The following PRDM5 variants were observed in gnomAD, a reference collection of about 807,000 sequenced individuals.
PRDM5 encodes PR domain zinc finger protein 5.
In PRDM5, 56 loss-of-function variants were observed where a neutral mutation model predicts 81.2. That is an observed-to-expected ratio of 0.69 (90% CI 0.56 to 0.86). PRDM5 has a LOEUF of 0.86. Ranked by LOEUF, PRDM5 falls within the 40% of genes least tolerant of loss-of-function variation. The probability of loss-of-function intolerance (pLI) is 0.00; values close to 1 mark genes in which losing one functional copy is unlikely to be tolerated. For synonymous variants in PRDM5, 267 were observed against 256.4 expected, an observed-to-expected ratio of 1.04 and a Z score of -0.39; for missense variants, 697 against 770.1, an observed-to-expected ratio of 0.91 and a Z score of 1.12.
At chr4:120,788,929 T>C (rs922530117) in intron 10 of PRDM5, among the ~76,000 whole-genome samples, 1 of 152,234 alleles carries the variant, frequency 6.6e-6, no homozygotes, top group African/African-American at 2.4e-5. Context: ...TGCTTGCATG[T>C]TGCAAATAGA....
At chr4:120,898,502 T>C (rs1764901025) in intron 2 of PRDM5, among the ~76,000 whole-genome samples, 2 of 152,276 alleles carry the variant, frequency 1.3e-5, no homozygotes, top group South Asian at 4.1e-4. Flanking sequence ...CTCTTGCCTA[T>C]ACACAGAATC....
chr4:120,913,238 A>C (rs1039690568), intron 1 of PRDM5, among the ~76,000 whole-genome samples: 4 of 152,210 alleles, frequency 2.6e-5, no homozygotes, highest in African/African-American at 9.6e-5. Flanking sequence ...AGTATACCTA[A>C]TCCTGTTTCT....
chr4:120,713,922 G>A (rs1578447371), intron 14 of PRDM5, among the ~76,000 whole-genome samples: 2 of 152,072 alleles, frequency 1.3e-5, no homozygotes, highest in African/African-American at 2.4e-5. Context: ...CTCACATGGT[G>A]GAAGGAAAGT....
chr4:120,847,661 T>C (rs926584592), intron 3 of PRDM5, among the ~76,000 whole-genome samples: 13 of 152,198 alleles, frequency 8.5e-5, no homozygotes, highest in Admixed American at 5.2e-4. Context: ...GCTGTTAAAA[T>C]TTGGGGTAAA....
intron 10 of PRDM5, among the ~76,000 whole-genome samples, chr4:120,786,124 C>CA (rs1441145456): frequency 6.6e-6 from 1 of 151,678 alleles, no homozygotes; most frequent in African/African-American, 2.4e-5. Context: ...GTGACAAAAA[C>CA]AAAAAAGTAA....
intron 9 of PRDM5, 96 bp from the exon 10 acceptor site, chr4:120,798,520 A>G: frequency 8.8e-7 from 1 of 1,136,626 alleles, no homozygotes; most frequent in Non-Finnish European, 1.3e-6. Flanking sequence ...TTACGGTAAG[A>G]AAACTAAAGG....
At chr4:120,905,250 T>C (rs1765666195) in intron 2 of PRDM5, among the ~76,000 whole-genome samples, 1 of 152,186 alleles carries the variant, frequency 6.6e-6, no homozygotes, top group African/African-American at 2.4e-5. Flanking sequence ...CCTCCACTCC[T>C]CACCCCCAGC....
chr4:120,786,202 A>G (rs950756229), intron 10 of PRDM5, among the ~76,000 whole-genome samples: 2 of 152,176 alleles, frequency 1.3e-5, no homozygotes, highest in Non-Finnish European at 2.9e-5. Flanking sequence ...CAGACATAAT[A>G]TTAAACATAC....
chr4:120,685,005 C>T (rs1352300114), exon 2 of PRDM5: 1 of 151,914 alleles, frequency 6.6e-6, no homozygotes, highest in Non-Finnish European at 1.5e-5. Context: ...CAGAGTATTT[C>T]TTCCTTTTCT....
At chr4:120,881,813 T>C (rs1762871384) in intron 2 of PRDM5, among the ~76,000 whole-genome samples, 3 of 152,226 alleles carry the variant, frequency 2.0e-5, no homozygotes, top group Admixed American at 1.3e-4. Context: ...ATCTTCCTTA[T>C]TGTTGGAAAG....
chr4:120,749,635 A>G (rs1578584475), intron 14 of PRDM5, among the ~76,000 whole-genome samples: 1 of 152,192 alleles, frequency 6.6e-6, no homozygotes, highest in East Asian at 1.9e-4. Flanking sequence ...GAGGAGGGAG[A>G]CACCTGCCAC....
chr4:120,758,177 T>A (rs981844943), intron 13 of PRDM5, among the ~76,000 whole-genome samples: 2 of 152,188 alleles, frequency 1.3e-5, no homozygotes, highest in African/African-American at 2.4e-5. Context: ...TTGGCCTCCA[T>A]AACTGTGTAA....
At chr4:120,763,951 G>A (rs1418866496) in intron 13 of PRDM5, among the ~76,000 whole-genome samples, 2 of 150,200 alleles carry the variant, frequency 1.3e-5, no homozygotes, top group Non-Finnish European at 3.0e-5. Flanking sequence ...AGCTAGAGAA[G>A]ATATAAAACC....
intron 14 of PRDM5, among the ~76,000 whole-genome samples, chr4:120,724,355 T>C (rs1739091507): frequency 6.6e-6 from 1 of 152,114 alleles, no homozygotes; most frequent in East Asian, 1.9e-4. Context: ...GTAGATCAAG[T>C]TGAGGTGCAC....
chr4:120,734,787 T>A (rs1328872734), intron 14 of PRDM5, among the ~76,000 whole-genome samples: 1 of 152,190 alleles, frequency 6.6e-6, no homozygotes, highest in Non-Finnish European at 1.5e-5. Flanking sequence ...TAAACGCTCC[T>A]CTGTTTCTTC....
At chr4:120,761,462 T>C (rs1362975375) in intron 13 of PRDM5, among the ~76,000 whole-genome samples, 1 of 152,240 alleles carries the variant, frequency 6.6e-6, no homozygotes, top group Admixed American at 6.5e-5. Context: ...TGTTACCATA[T>C]AGATGTTCCA....
intron 3 of PRDM5, among the ~76,000 whole-genome samples, chr4:120,823,728 T>C (rs147709737): frequency 6.6e-6 from 1 of 152,324 alleles, no homozygotes; most frequent in Non-Finnish European, 1.5e-5. Flanking sequence ...ACCTGGAGGC[T>C]CATCCCAGGC....
intron 13 of PRDM5, among the ~76,000 whole-genome samples, chr4:120,772,922 T>G (rs943915206): frequency 5.9e-5 from 9 of 152,260 alleles, no homozygotes; most frequent in African/African-American, 2.4e-5. Flanking sequence ...GACTTCAATT[T>G]GTAATACTAG....
intron 13 of PRDM5, among the ~76,000 whole-genome samples, chr4:120,768,976 C>T (rs1746822386): frequency 6.6e-6 from 1 of 152,150 alleles, no homozygotes; most frequent in South Asian, 2.1e-4. Flanking sequence ...TGGGTGGGTC[C>T]AGCTCATAGA....
Sources: gnomAD v4.1 joint callset for allele counts (sites outside exome capture counted in the v4.1 genomes callset) on GRCh38, gnomAD v4.1.1 for gene constraint, MANE v1.5 for transcripts, NCBI Gene and HGNC (gene_info 2026-07-23, HGNC 2026-07-21) for gene names.